Variants in SND1 observed in about 807,000 individuals in gnomAD.
SND1 encodes the protein staphylococcal nuclease and tudor domain containing 1.
Under a neutral mutation model 121.7 loss-of-function variants are expected in SND1, and 38 were observed. The observed-to-expected ratio is 0.31, with a 90% CI of 0.24 to 0.41. SND1 has a LOEUF of 0.41. Ranked by LOEUF, SND1 falls within the 10% of genes least tolerant of loss-of-function variation. The pLI, the probability that SND1 is intolerant of heterozygous loss-of-function variation, is 1.00. For synonymous variants in SND1, 401 were observed against 447.4 expected (o/e 0.90, Z 1.31); for missense variants, 868 against 1,184.6 (o/e 0.73, Z 3.92).
intron 13 of SND1, among the ~76,000 whole-genome samples, chr7:127,894,507 T>G (rs1352187847): frequency 6.6e-6 from 1 of 152,136 alleles, no homozygotes; most frequent in Non-Finnish European, 1.5e-5. Context: ...TATTTTCTGT[T>G]GCTAAGTTAA....
chr7:127,931,611 G>A (rs966392593), intron 15 of SND1, among the ~76,000 whole-genome samples: 1 of 152,148 alleles, frequency 6.6e-6, no homozygotes, highest in Admixed American at 6.5e-5. Context: ...TCTACTGGAA[G>A]AAGATGCCAT....
intron 14 of SND1, among the ~76,000 whole-genome samples, chr7:127,926,225 G>A (rs933446741): frequency 1.3e-5 from 2 of 152,076 alleles, no homozygotes; most frequent in African/African-American, 4.8e-5. Context: ...AACATGCCAA[G>A]CAAAAAAATG....
At chr7:127,888,156 A>G in intron 13 of SND1, 144 bp downstream of exon 13, 1 of 571,168 alleles carries the variant, frequency 1.8e-6, no homozygotes, top group Non-Finnish European at 3.1e-6. Flanking sequence ...TTCCCCATGA[A>G]AAGAAGGACA....
chr7:128,011,794 CA>C (rs1803123192), intron 16 of SND1, among the ~76,000 whole-genome samples: 2 of 152,132 alleles, frequency 1.3e-5, no homozygotes, highest in Non-Finnish European at 2.9e-5. Context: ...TTTAGAGATA[CA>C]TATTAAATGA....
intron 22 of SND1, 174 bp downstream of exon 22, chr7:128,089,866 C>T: frequency 1.6e-6 from 1 of 635,348 alleles, no homozygotes; most frequent in Non-Finnish European, 2.7e-6. Flanking sequence ...AAGCTAATTA[C>T]ATCCCAAATT....
At chr7:128,036,844 A>C (rs2117000846) in intron 16 of SND1, among the ~76,000 whole-genome samples, 1 of 152,364 alleles carries the variant, frequency 6.6e-6, no homozygotes, top group South Asian at 2.1e-4. Flanking sequence ...CTGCATGAAA[A>C]TACACTGGCC....
intron 1 of SND1, among the ~76,000 whole-genome samples, chr7:127,657,917 A>G (rs891415471): frequency 1.3e-5 from 2 of 152,218 alleles, no homozygotes; most frequent in Non-Finnish European, 2.9e-5. Flanking sequence ...TAAGGGTGAT[A>G]AAAGGAAGAG....
At chr7:127,777,837 G>A (rs1232075048) in intron 10 of SND1, among the ~76,000 whole-genome samples, 3 of 152,154 alleles carry the variant, frequency 2.0e-5, no homozygotes, top group Non-Finnish European at 2.9e-5. Context: ...CCACCTGCAC[G>A]TGTCTCTGAT....
Position 128,052,817 on chromosome 7 carries a change from T to TC in SND1, c.1780-21682dup, listed in dbSNP as rs1218835536. On this transcript the variant is annotated intron_variant, in intron 16 of 23. Transcript: ENST00000354725. The surrounding 1 kb of genome is among the most constrained non-coding windows in gnomAD (Gnocchi z 4.6). ...CGGATTTCAGTGTTACTTCGATGGGTCCCTTGGGGCAGAAAAATTATAGTT... is the reference window on the plus strand; with the variant it reads ...CGGATTTCAGTGTTACTTCGATGGGTCCCCTTGGGGCAGAAAAATTATAGTT... Among the ~76,000 whole-genome samples the TC allele has an allele frequency of 6.6e-6, 1 of 152,202 alleles. No individual in the cohort carries two copies.
At chr7:127,795,043 T>G (rs549826258) in intron 10 of SND1, among the ~76,000 whole-genome samples, 1 of 152,348 alleles carries the variant, frequency 6.6e-6, no homozygotes, top group East Asian at 1.9e-4. Context: ...AACTCTGGCT[T>G]CTTATTTGTA....
intron 15 of SND1, among the ~76,000 whole-genome samples, chr7:127,968,112 C>T (rs143563530): frequency 3.1e-4 from 47 of 152,366 alleles, no homozygotes; most frequent in African/African-American, 1.1e-3. Flanking sequence ...CATTTCCTCT[C>T]TCTCCTTTTC....
chr7:127,863,487 G>A (rs1258757811), intron 12 of SND1, among the ~76,000 whole-genome samples: 1 of 152,158 alleles, frequency 6.6e-6, no homozygotes, highest in Non-Finnish European at 1.5e-5. Context: ...TATCCATAGA[G>A]TCTTCTCAGA....
intron 13 of SND1, among the ~76,000 whole-genome samples, chr7:127,895,346 C>T (rs901450653): frequency 1.3e-5 from 2 of 152,186 alleles, no homozygotes; most frequent in East Asian, 1.9e-4. Context: ...TCATAGGAAG[C>T]GGTAGTTCGG....
intron 16 of SND1, chr7:128,031,645 C>A (rs1306391990): frequency 1.2e-4 from 18 of 147,554 alleles, no homozygotes; most frequent in Non-Finnish European, 2.3e-4. Context: ...TGCGCTCGGA[C>A]CCGGTCCGCC....
intron 12 of SND1, among the ~76,000 whole-genome samples, chr7:127,849,882 AT>A (rs11302251): frequency 0.28 from 42,356 of 152,034 alleles, 6,244 homozygotes; most frequent in African/African-American, 0.37. Context: ...TATCAGAGGT[AT>A]TGTCCAAGTT....
chr7:127,904,144 G>A (rs901473401), intron 13 of SND1, among the ~76,000 whole-genome samples: 10 of 152,194 alleles, frequency 6.6e-5, no homozygotes, highest in Non-Finnish European at 1.3e-4. Context: ...GCTGAGGTTG[G>A]CAGAGTCCCA....
chr7:127,938,525 C>A (rs1801114331), intron 15 of SND1, among the ~76,000 whole-genome samples: 1 of 152,170 alleles, frequency 6.6e-6, no homozygotes, highest in African/African-American at 2.4e-5. Context: ...AGGGCGATGG[C>A]ATTTGAGTTT....
At chr7:127,998,248 G>A (rs1360669380) in intron 16 of SND1, 1 of 316,520 alleles carries the variant, frequency 3.2e-6, no homozygotes, top group Non-Finnish European at 6.3e-6. Context: ...GAAAACTGTT[G>A]AAGTATTAAG....
At chr7:128,003,967 C>T (rs1228713577) in intron 16 of SND1, among the ~76,000 whole-genome samples, 3 of 152,034 alleles carry the variant, frequency 2.0e-5, no homozygotes, top group African/African-American at 7.3e-5. Context: ...ACCCAGGGTG[C>T]ACTTAACCAC....
Sources: gnomAD v4.1 joint callset for allele counts (sites outside exome capture counted in the v4.1 genomes callset) on GRCh38, gnomAD v4.1.1 for gene constraint, Gnocchi (gnomAD v3.1) non-coding constraint, MANE v1.5 for transcripts, NCBI Gene and HGNC (gene_info 2026-07-23, HGNC 2026-07-21) for gene names.